TNS1: variants seen among roughly 807,000 people sequenced by gnomAD.
TNS1 encodes the protein tensin 1, also known as tensin-1.
TNS1 carries 62 observed loss-of-function variants against 168.6 expected under a neutral mutation model. The observed-to-expected ratio is 0.37, with a 90% CI of 0.30 to 0.45. TNS1 has a LOEUF of 0.45. Among genes scored for constraint, TNS1 ranks in the 20% least tolerant of loss-of-function variants. TNS1 has a pLI of 1.00. For synonymous variants in TNS1, 934 were observed against 933.2 expected, an observed-to-expected ratio of 1.00 and a Z score of -0.02; for missense variants, 2,240 against 2,339.4, an observed-to-expected ratio of 0.96 and a Z score of 0.88.
At chr2:217,922,319 G>C (rs917120628) in intron 3 of TNS1, among the ~76,000 whole-genome samples, 6 of 152,256 alleles carry the variant, frequency 3.9e-5, no homozygotes, top group African/African-American at 1.4e-4. Flanking sequence ...TTCAAGGTCA[G>C]GGGCCAGGGC....
intron 27 of TNS1, among the ~76,000 whole-genome samples, chr2:217,812,942 G>A (rs576779795): frequency 6.6e-6 from 1 of 152,296 alleles, no homozygotes; most frequent in East Asian, 1.9e-4. Context: ...CATGGTAGGT[G>A]GTCAATTAAG....
chr2:217,955,636 CCTAAGCA>C (rs1957343721), intron 3 of TNS1, among the ~76,000 whole-genome samples: 1 of 152,206 alleles, frequency 6.6e-6, no homozygotes, highest in Non-Finnish European at 1.5e-5. Flanking sequence ...CAGAGCCCCT[CCTAAGCA>C]GTGGGAGGCG....
chr2:217,892,900 G>A (rs773565032), intron 11 of TNS1, 48 bp downstream of exon 11: 34 of 1,591,392 alleles, frequency 2.1e-5, no homozygotes, highest in Non-Finnish European at 2.7e-5. Context: ...GAGGAGGGGG[G>A]TCACACTGTC....
At chr2:217,815,153 T>G in intron 24 of TNS1, 155 bp from the exon 25 acceptor site, 1 of 642,504 alleles carries the variant, frequency 1.6e-6, no homozygotes, top group South Asian at 1.8e-5. Context: ...CACACAGGAT[T>G]AGGGTGAGCC....
intron 4 of TNS1, among the ~76,000 whole-genome samples, chr2:217,914,578 C>A (rs1954795327): frequency 6.6e-6 from 1 of 152,174 alleles, no homozygotes; most frequent in Non-Finnish European, 1.5e-5. Context: ...GTGGTGCGAT[C>A]TCAGCTCACT....
intron 19 of TNS1, chr2:217,842,133 G>C (rs1318347641): frequency 1.4e-6 from 1 of 702,758 alleles, no homozygotes; most frequent in African/African-American, 1.7e-5. Flanking sequence ...AATGTGGGAG[G>C]TTCCAGGACT....
intron 3 of TNS1, among the ~76,000 whole-genome samples, chr2:217,938,008 G>C (rs1956712136): frequency 2.0e-5 from 3 of 152,128 alleles, no homozygotes; most frequent in Non-Finnish European, 4.4e-5. Flanking sequence ...AAGGTCAAGG[G>C]GTAAAGATAA....
intron 1 of TNS1, among the ~76,000 whole-genome samples, chr2:218,008,399 G>A (rs1958678911): frequency 6.6e-6 from 1 of 152,224 alleles, no homozygotes; most frequent in African/African-American, 2.4e-5. Context: ...CGCAAATGGG[G>A]AGGGGGTGTT....
At chr2:217,854,499 C>T (rs1055778957) in intron 18 of TNS1, among the ~76,000 whole-genome samples, 4 of 152,172 alleles carry the variant, frequency 2.6e-5, no homozygotes, top group African/African-American at 7.2e-5. Flanking sequence ...TACCCAGAGC[C>T]GTGATGACCA....
chr2:217,948,545 C>T lies in TNS1; in HGVS notation c.187-28309G>A, dbSNP rs1031214367. On this transcript the variant is annotated intron_variant, in intron 3 of 32. Coordinates refer to ENST00000682258, the MANE Select transcript of TNS1 (RefSeq NM_001387777.1). The surrounding 1 kb of genome is among the most constrained non-coding windows in gnomAD (Gnocchi z 4.1). ...TGTACCTTCCCTCTTCTGACCATGCCCTCCCCGCTACAGCTAGAGATGAGT... is the reference window on the plus strand; with the variant it reads ...TGTACCTTCCCTCTTCTGACCATGCTCTCCCCGCTACAGCTAGAGATGAGT... Among the ~76,000 whole-genome samples the T allele has an allele frequency of 6.6e-6, 1 of 152,092 alleles. No individual in the cohort carries two copies. The highest frequency in any genetic ancestry group is 1.5e-5 in the Non-Finnish European group (1 of 68,004).
intron 19 of TNS1, among the ~76,000 whole-genome samples, chr2:217,839,067 T>C (rs910777386): frequency 4.1e-5 from 6 of 146,802 alleles, no homozygotes; most frequent in Admixed American, 4.0e-4. Context: ...TGCATGTACA[T>C]ACACACACAC....
Position 217,818,199 on chromosome 2 carries a change from C to T in TNS1, c.4133G>A (p.Arg1378Gln), listed in dbSNP as rs749231305. 26 of 1,613,756 alleles carry T rather than the reference C, an allele frequency of 1.6e-5. No homozygotes were observed. Among genetic ancestry groups the T allele is most frequent in the Admixed American group, 1.5e-4 (9 of 60,004 alleles). The change falls in exon 24 of 33, where the codon CGG (arginine) becomes CAG (glutamine). Residue 1378 changes from arginine to glutamine, a missense_variant. Arg to Gln is a conservative substitution (Grantham distance 43). Around this residue, in one of 2 missense-constraint regions of TNS1, gnomAD observed 2,131 missense variants for 2,171.2 expected, o/e 0.98. Coordinates refer to ENST00000682258, the MANE Select transcript of TNS1 (RefSeq NM_001387777.1). ...GTTGCCTTGGTGAGCCCCAGGGTGC[C>T]GGCCCAGGCTGGGACTCCCCGGGGT... is the stretch of plus-strand genomic sequence containing the variant. The part of the protein sequence containing the change: ...ATTPGSPSLG[R>Q]HPGAHQGNLA...
intron 1 of TNS1, among the ~76,000 whole-genome samples, chr2:218,001,172 A>G (rs1369829228): frequency 6.6e-6 from 1 of 151,812 alleles, no homozygotes; most frequent in East Asian, 1.9e-4. Context: ...AAAAATGAAT[A>G]AATAAAAATA....
intron 22 of TNS1, among the ~76,000 whole-genome samples, chr2:217,826,213 G>A (rs1943596463): frequency 2.6e-5 from 4 of 152,170 alleles, no homozygotes; most frequent in Admixed American, 2.0e-4. Context: ...CATGAACCCA[G>A]AGCGGGAAGG....
chr2:217,997,762 A>G (rs905796542), intron 1 of TNS1, among the ~76,000 whole-genome samples: 1 of 152,218 alleles, frequency 6.6e-6, no homozygotes, highest in Non-Finnish European at 1.5e-5. Flanking sequence ...ATTATGCCGT[A>G]AAGTCGGTGG....
intron 3 of TNS1, among the ~76,000 whole-genome samples, chr2:217,922,878 G>A (rs375664077): frequency 2.0e-5 from 3 of 152,238 alleles, no homozygotes; most frequent in South Asian, 4.1e-4. Context: ...GTGCATTCCA[G>A]GCCCACTGGC....
chr2:217,895,183 C>G, intron 8 of TNS1, 127 bp from the exon 9 acceptor site: 1 of 912,918 alleles, frequency 1.1e-6, no homozygotes, highest in Non-Finnish European at 1.7e-6. Flanking sequence ...TCTGAAGAGC[C>G]CACGACAGCA....
chr2:217,954,482 C>T (rs1019357205), intron 3 of TNS1, among the ~76,000 whole-genome samples: 3 of 152,156 alleles, frequency 2.0e-5, no homozygotes, highest in Non-Finnish European at 2.9e-5. Flanking sequence ...TTTATTCCTC[C>T]TGGTAACTAA....
chr2:217,818,216 C>A lies in TNS1; in HGVS notation c.4116G>T (p.Gly1372=). ...GLHNKVATTP[G]SPSLGRHPGA... is the part of the protein sequence containing the mutation. ...CAGGGTGCCGGCCCAGGCTGGGACT[C>A]CCCGGGGTGGTGGCCACTTTGTTGT... The change falls in exon 24 of 33, where the codon GGG becomes GGT. Residue 1372 remains glycine (G), a synonymous_variant. Coordinates refer to ENST00000682258, the MANE Select transcript of TNS1 (RefSeq NM_001387777.1). The A allele has an allele frequency of 1.2e-6, 2 of 1,613,792 alleles. No homozygotes were observed. The highest frequency in any genetic ancestry group is 1.7e-6 in the Non-Finnish European group (2 of 1,179,888).
Sources: allele counts gnomAD v4.1 joint callset (sites outside exome capture counted in the v4.1 genomes callset), GRCh38; gene constraint gnomAD v4.1.1; regional missense constraint gnomAD v4.1.1; non-coding constraint Gnocchi (gnomAD v3.1); transcripts MANE v1.5; gene names NCBI Gene and HGNC (gene_info 2026-07-23, HGNC 2026-07-21).